NRP2: variants seen among roughly 807,000 people sequenced by gnomAD.
NRP2 encodes neuropilin 2.
In NRP2, 52 loss-of-function variants were observed where a neutral mutation model predicts 110.4. That is an observed-to-expected ratio of 0.47 (90% CI 0.38 to 0.59). The LOEUF is 0.59. NRP2 is among the 20% of genes least tolerant of loss of function. The probability of loss-of-function intolerance (pLI) is 0.00; values close to 1 mark genes in which losing one functional copy is unlikely to be tolerated. For synonymous variants in NRP2, 508 were observed against 468.9 expected (o/e 1.08, Z -1.08); for missense variants, 1,049 against 1,203.0 (o/e 0.87, Z 1.89).
chr2:205,792,614 T>C (rs2058314239), intron 16 of NRP2, among the ~76,000 whole-genome samples: 1 of 152,220 alleles, frequency 6.6e-6, no homozygotes, highest in South Asian at 2.1e-4. Flanking sequence ...TCTGAATCTT[T>C]TGACCTTCTC....
At chr2:205,767,336 G>T (rs2057941922) in intron 15 of NRP2, 3 of 483,164 alleles carry the variant, frequency 6.2e-6, no homozygotes, top group Non-Finnish European at 1.2e-5. Flanking sequence ...AGGTACGGTG[G>T]CAGGCTGCTT....
chr2:205,779,724 T>G (rs1444826886), intron 15 of NRP2: 2 of 151,954 alleles, frequency 1.3e-5, no homozygotes, highest in African/African-American at 4.8e-5. Flanking sequence ...ACATGTGAGG[T>G]TTTTTTTCCC....
chr2:205,729,226 A>G (rs2057188741), intron 7 of NRP2, among the ~76,000 whole-genome samples: 1 of 152,210 alleles, frequency 6.6e-6, no homozygotes. Context: ...AATCAAAATC[A>G]CCATAGTAAC....
At chr2:205,731,876 CAG>C (rs1304156238) in intron 7 of NRP2, among the ~76,000 whole-genome samples, 2 of 152,302 alleles carry the variant, frequency 1.3e-5, no homozygotes, top group African/African-American at 4.8e-5. Flanking sequence ...CCAAGGGACT[CAG>C]AAAATCCTCA....
At chr2:205,721,208 AT>A (rs2105806467) in intron 3 of NRP2, among the ~76,000 whole-genome samples, 1 of 152,274 alleles carries the variant, frequency 6.6e-6, no homozygotes, top group South Asian at 2.1e-4. Context: ...AGATCAGTGT[AT>A]TGACATCACC....
chr2:205,781,913 G>T (rs531065984), intron 15 of NRP2, among the ~76,000 whole-genome samples: 3 of 152,258 alleles, frequency 2.0e-5, no homozygotes, highest in African/African-American at 7.2e-5. Context: ...AGTATGTATA[G>T]AGGTCAGATA....
At chr2:205,726,203 C>A in intron 6 of NRP2, 121 bp downstream of exon 6, 1 of 999,582 alleles carries the variant, frequency 1.0e-6, no homozygotes. Context: ...CCTGAGAACT[C>A]CATTCATTCA....
At chr2:205,703,108 C>T (rs1027716967) in intron 2 of NRP2, among the ~76,000 whole-genome samples, 7 of 152,144 alleles carry the variant, frequency 4.6e-5, no homozygotes, top group East Asian at 3.9e-4. Context: ...CAGGTGATTT[C>T]GTGATATTTT....
chr2:205,690,479 T>G (rs1219182327), intron 1 of NRP2, among the ~76,000 whole-genome samples: 1 of 152,054 alleles, frequency 6.6e-6, no homozygotes, highest in Non-Finnish European at 1.5e-5. Flanking sequence ...CTCATGCCTG[T>G]AATCCCAGCA....
intron 2 of NRP2, among the ~76,000 whole-genome samples, chr2:205,704,230 C>T (rs923107180): frequency 1.3e-5 from 2 of 152,162 alleles, no homozygotes; most frequent in African/African-American, 2.4e-5. Context: ...GAATAGAGGG[C>T]GGGAGGCCAG....
intron 2 of NRP2, chr2:205,701,036 G>A (rs528955314): frequency 6.4e-5 from 13 of 204,440 alleles, no homozygotes; most frequent in Admixed American, 1.8e-4. Context: ...GAGGCCTTTC[G>A]CTTGAGTCAT....
intron 2 of NRP2, among the ~76,000 whole-genome samples, chr2:205,715,348 T>C (rs556759491): frequency 2.7e-4 from 41 of 152,280 alleles, no homozygotes; most frequent in Admixed American, 2.3e-3. Flanking sequence ...TGACTCTGCT[T>C]CAAATGAGCA....
chr2:205,787,868 G>T (rs529466870), intron 15 of NRP2, among the ~76,000 whole-genome samples: 1 of 152,054 alleles, frequency 6.6e-6, no homozygotes, highest in African/African-American at 2.4e-5. Context: ...GAGTGTCTTG[G>T]GGGTGTTTCC....
intron 9 of NRP2, 138 bp downstream of exon 9, chr2:205,743,690 G>A: frequency 6.9e-7 from 1 of 1,455,800 alleles, no homozygotes; most frequent in South Asian, 1.4e-5. Flanking sequence ...AATATCGTTT[G>A]AGAGATTACT....
intron 12 of NRP2, among the ~76,000 whole-genome samples, chr2:205,755,658 A>C (rs973713517): frequency 6.7e-6 from 1 of 150,224 alleles, no homozygotes; most frequent in African/African-American, 2.4e-5. Context: ...GGGAGAAGGG[A>C]AGCAGCTGGC....
chr2:205,724,448 A>C (rs1032944388), intron 5 of NRP2, among the ~76,000 whole-genome samples: 3 of 152,040 alleles, frequency 2.0e-5, no homozygotes, highest in Non-Finnish European at 2.9e-5. Context: ...AACTGCTTAG[A>C]CTTGGACTTC....
Position 205,786,519 on chromosome 2 carries a change from C to T in NRP2, c.2426-5716C>T, listed in dbSNP as rs552811984. On this transcript the variant is annotated intron_variant, in intron 15 of 16. Coordinates refer to ENST00000357785, the MANE Select transcript of NRP2 (RefSeq NM_003872.3). Reference sequence around the variant, plus strand: ...CTCTCAGTTCTACTGCTGATTTATTCAATGACTTATTGCACTTCTCTACCC... The same window carrying T: ...CTCTCAGTTCTACTGCTGATTTATTTAATGACTTATTGCACTTCTCTACCC... Among the ~76,000 whole-genome samples the T allele has an allele frequency of 8.1e-4, 123 of 152,314 alleles. 2 individuals carry two copies. The South Asian group carries it at 0.025, about 31-fold the overall frequency.
intron 3 of NRP2, among the ~76,000 whole-genome samples, chr2:205,717,095 A>T (rs2056913469): frequency 6.6e-6 from 1 of 152,094 alleles, no homozygotes; most frequent in African/African-American, 2.4e-5. Flanking sequence ...AACTAAATAC[A>T]GCAGACTTTT....
Position 205,795,011 on chromosome 2 carries a change from A to C in NRP2, c.2734A>C (p.Lys912Gln). Reference sequence around the variant, plus strand: ...CAACTTCGAGCTCTACGATGGCCTTAAGCACAAGGTCAAGATGAACCACCA... The same window carrying C: ...CAACTTCGAGCTCTACGATGGCCTTCAGCACAAGGTCAAGATGAACCACCA... ...NYNFELYDGL[K>Q]HKVKMNHQKC... Residue 912 changes from lysine (K) to glutamine (Q), a missense_variant, in exon 17 of 17, where the codon AAG becomes CAG. Transcript: ENST00000357785. The C allele has an allele frequency of 6.2e-7, 1 of 1,614,156 alleles. No homozygotes were observed. The highest frequency in any genetic ancestry group is 1.1e-5 in the South Asian group (1 of 91,076).
Sources: allele counts gnomAD v4.1 joint callset (sites outside exome capture counted in the v4.1 genomes callset), GRCh38; gene constraint gnomAD v4.1.1; transcripts MANE v1.5; gene names NCBI Gene and HGNC (gene_info 2026-07-23, HGNC 2026-07-21).